Variants in PLD1 observed in about 807,000 individuals in gnomAD.
PLD1 encodes the protein phospholipase D1, also known as choline phosphatase 1.
Under a neutral mutation model 137.1 loss-of-function variants are expected in PLD1, and 112 were observed. The ratio of observed to expected loss-of-function variants is 0.82; its 90% CI spans 0.70 to 0.96. The LOEUF (loss-of-function observed/expected upper bound fraction) is 0.96. Among genes scored for constraint, PLD1 ranks in the 40% least tolerant of loss-of-function variants. PLD1 has a pLI of 0.00. For synonymous variants in PLD1, 431 were observed against 454.7 expected (o/e 0.95, Z 0.66); for missense variants, 1,321 against 1,342.0 (o/e 0.98, Z 0.24).
chr3:171,612,487 G>A lies in PLD1; in HGVS notation c.2729-55C>T. 6.5e-7 allele frequency: 1 copy of A among 1,532,604 alleles called. No homozygotes were observed. Among genetic ancestry groups the A allele is most frequent in the Non-Finnish European group, 9.0e-7 (1 of 1,108,864 alleles). 94.9% of individuals were successfully genotyped at this position (1,532,604 alleles called of 1,614,324 possible). A position where few individuals can be genotyped will look rare whatever the true frequency, so the allele number is the denominator to read the frequency against. ...CCTTCCTGTTGTGGCAGACACTGTT[G>A]GTTGCCCTCCCAACTCAATTCATCC... On this transcript the variant is annotated intron_variant, in intron 24 of 26. Transcript: ENST00000351298. This position sits in a 1 kb window ranked among gnomAD's most constrained non-coding sequence, Gnocchi z 4.1.
chr3:171,704,945 C>T lies in PLD1; in HGVS notation c.1145+3810G>A, dbSNP rs544975699. Among the ~76,000 whole-genome samples the T allele has an allele frequency of 5.3e-5, 8 of 152,304 alleles. No homozygotes were observed. In the South Asian group the frequency reaches 1.2e-3, roughly 24 times the overall value. ...GCGGGCAGCCTAGATTCCTCACATG[C>T]GTAGTTCACAATAGGGTTCATGTTC... On this transcript the variant is annotated intron_variant, in intron 11 of 26. Transcript: ENST00000351298.
At chr3:171,803,687 A>C (rs564446381) in intron 1 of PLD1, among the ~76,000 whole-genome samples, 2 of 152,304 alleles carry the variant, frequency 1.3e-5, no homozygotes, top group East Asian at 3.9e-4. Flanking sequence ...TAGCTGAGAT[A>C]GCACCATTGC....
intron 23 of PLD1, among the ~76,000 whole-genome samples, chr3:171,623,312 A>ATTTTTTTTTTT (rs760981558): frequency 7.2e-6 from 1 of 138,964 alleles, no homozygotes; most frequent in Non-Finnish European, 1.5e-5. Context: ...GCCCTATCAG[A>ATTTTTTTTTTT]CTTTTTTTTT....
At chr3:171,613,699 T>G (rs1042449619) in intron 24 of PLD1, among the ~76,000 whole-genome samples, 4 of 152,216 alleles carry the variant, frequency 2.6e-5, no homozygotes, top group African/African-American at 9.6e-5. Context: ...GTCCATTTTT[T>G]TTTTTAAATC....
intron 25 of PLD1, among the ~76,000 whole-genome samples, chr3:171,606,515 A>T (rs1732215588): frequency 6.6e-6 from 1 of 152,188 alleles, no homozygotes; most frequent in Non-Finnish European, 1.5e-5. Flanking sequence ...GACCGGGTGT[A>T]TATCAACAGT....
chr3:171,779,887 G>T (rs1029899600), intron 1 of PLD1, among the ~76,000 whole-genome samples: 4 of 151,874 alleles, frequency 2.6e-5, no homozygotes, highest in Admixed American at 2.0e-4. Flanking sequence ...TCAGGACTGG[G>T]GTTTGTATAC....
chr3:171,794,475 G>C (rs1340892511), intron 1 of PLD1, among the ~76,000 whole-genome samples: 1 of 152,132 alleles, frequency 6.6e-6, no homozygotes, highest in Middle Eastern at 3.2e-3. Flanking sequence ...CTTCTACCGT[G>C]CATCTTTTCC....
intron 25 of PLD1, among the ~76,000 whole-genome samples, chr3:171,609,896 T>C (rs1732519369): frequency 6.6e-6 from 1 of 152,100 alleles, no homozygotes; most frequent in Non-Finnish European, 1.5e-5. Flanking sequence ...TCCTTAATTG[T>C]ATAAAAATAA....
In PLD1 at chr3:171,767,281, G is replaced by A. The variant is rs745996426; in HGVS notation, c.-31-29199C>T. On this transcript the variant is annotated intron_variant, in intron 1 of 26. Transcript: ENST00000351298. ...ACTACTGGTCTCATTTACGGGCCAT[G>A]GGCAACCTCTATATCCTGCCATTGG... Among the ~76,000 whole-genome samples the A allele has an allele frequency of 3.9e-5, 6 of 152,288 alleles. No homozygotes were observed. The South Asian group carries it at 1.0e-3, about 26-fold the overall frequency.
chr3:171,657,504 GAAGA>G (rs1306026865), intron 21 of PLD1, among the ~76,000 whole-genome samples: 1 of 152,212 alleles, frequency 6.6e-6, no homozygotes, highest in African/African-American at 2.4e-5. Flanking sequence ...TCAGCCATAA[GAAGA>G]AATTGTCCCT....
chr3:171,658,256 G>C (rs1737377741), intron 21 of PLD1, among the ~76,000 whole-genome samples: 1 of 152,114 alleles, frequency 6.6e-6, no homozygotes, highest in South Asian at 2.1e-4. Flanking sequence ...AAGACAGTCT[G>C]GCAGTTCCTC....
At chr3:171,672,661 A>G (rs1712903418) in intron 19 of PLD1, among the ~76,000 whole-genome samples, 1 of 151,462 alleles carries the variant, frequency 6.6e-6, no homozygotes, top group African/African-American at 2.4e-5. Flanking sequence ...CTAATTTTTT[A>G]AGAACTTTTT....
intron 14 of PLD1, 108 bp from the exon 15 acceptor site, chr3:171,687,692 T>C: frequency 1.4e-6 from 1 of 702,850 alleles, no homozygotes; most frequent in Non-Finnish European, 2.4e-6. Flanking sequence ...ATGGAGGTTC[T>C]ATAACAGACA....
In PLD1 at chr3:171,801,946, G is replaced by C. The variant is rs1392315816; in HGVS notation, c.-32+8453C>G. 2.6e-5 allele frequency among the ~76,000 whole-genome samples: 4 copies of C among 152,286 alleles called. No individual in the cohort carries two copies. The East Asian group carries it at 7.7e-4, about 29-fold the overall frequency. Reference sequence around the variant, plus strand: ...TGAAACAAGTTTTTGCAAGCTCTCTGAAAACGACAGGAGGCATTCACATAG... The same window carrying C: ...TGAAACAAGTTTTTGCAAGCTCTCTCAAAACGACAGGAGGCATTCACATAG... On this transcript the variant is annotated intron_variant, in intron 1 of 26. Transcript: ENST00000351298.
At chr3:171,618,215 C>T (rs962212309) in intron 24 of PLD1, among the ~76,000 whole-genome samples, 1 of 152,140 alleles carries the variant, frequency 6.6e-6, no homozygotes, top group Non-Finnish European at 1.5e-5. Context: ...GAATTGTGTG[C>T]AAAATTGATC....
intron 21 of PLD1, among the ~76,000 whole-genome samples, chr3:171,657,219 T>C (rs1174193237): frequency 1.3e-5 from 2 of 152,164 alleles, no homozygotes; most frequent in African/African-American, 2.4e-5. Context: ...CTCTCAAGTG[T>C]AGTTGTGAAG....
intron 23 of PLD1, among the ~76,000 whole-genome samples, chr3:171,638,271 G>A (rs919771033): frequency 6.6e-6 from 1 of 150,686 alleles, no homozygotes; most frequent in Non-Finnish European, 1.5e-5. Flanking sequence ...GTGAATAAAT[G>A]TGAAGGTCTA....
chr3:171,699,140 C>T (rs55657352), intron 12 of PLD1, among the ~76,000 whole-genome samples: 12,651 of 152,036 alleles, frequency 0.083, 1,581 homozygotes, highest in African/African-American at 0.27. Flanking sequence ...AATATGAATG[C>T]AGTCATTAGT....
Position 171,621,221 on chromosome 3 carries a change from T to C in PLD1, c.2594-701A>G, listed in dbSNP as rs184939291. 1.6e-4 allele frequency among the ~76,000 whole-genome samples: 24 copies of C among 152,244 alleles called. No homozygotes were observed. In the East Asian group the frequency reaches 2.9e-3, roughly 18 times the overall value. On this transcript the variant is annotated intron_variant, in intron 23 of 26. Coordinates refer to ENST00000351298, the MANE Select transcript of PLD1 (RefSeq NM_002662.5). ...AAATATTGCCATCCCTCTAATCACA[T>C]GGGGGCCATTCACATGATAAGAAGA...
Sources: allele counts gnomAD v4.1 joint callset (sites outside exome capture counted in the v4.1 genomes callset), GRCh38; gene constraint gnomAD v4.1.1; non-coding constraint Gnocchi (gnomAD v3.1); transcripts MANE v1.5; gene names NCBI Gene and HGNC (gene_info 2026-07-23, HGNC 2026-07-21).